PDE4B: variants seen among roughly 807,000 people sequenced by gnomAD.
PDE4B encodes the protein 3',5'-cyclic-AMP phosphodiesterase 4B.
Under a neutral mutation model 82.2 loss-of-function variants are expected in PDE4B, and 20 were observed. That is an observed-to-expected ratio of 0.24 (90% confidence interval 0.17 to 0.35). The LOEUF (loss-of-function observed/expected upper bound fraction) is 0.35, where lower values mean the gene tolerates loss of function less well. Among genes scored for constraint, PDE4B ranks in the 10% least tolerant of loss-of-function variants. The pLI is 1.00. For missense variants in PDE4B, 655 were observed against 907.2 expected (o/e 0.72, Z 3.57); for synonymous variants, 320 against 318.9 (o/e 1.00, Z -0.04).
At chr1:66,289,814 G>T (rs911502827) in intron 7 of PDE4B, among the ~76,000 whole-genome samples, 1 of 152,062 alleles carries the variant, frequency 6.6e-6, no homozygotes, top group Non-Finnish European at 1.5e-5. Flanking sequence ...TGAGCAAGAG[G>T]TGATGCTTGC....
chr1:66,320,405 C>T (rs919488968), intron 7 of PDE4B, among the ~76,000 whole-genome samples: 1 of 152,084 alleles, frequency 6.6e-6, no homozygotes, highest in African/African-American at 2.4e-5. Flanking sequence ...AAAAACTAGC[C>T]AGCCTAGAAA....
At chr1:65,953,319 C>G (rs530555103) in intron 3 of PDE4B, among the ~76,000 whole-genome samples, 1 of 152,052 alleles carries the variant, frequency 6.6e-6, no homozygotes, top group Non-Finnish European at 1.5e-5. Flanking sequence ...TCAGCCCACA[C>G]AATCCCAGGA....
chr1:66,013,283 C>T (rs191651767), intron 3 of PDE4B, among the ~76,000 whole-genome samples: 2 of 152,104 alleles, frequency 1.3e-5, no homozygotes, highest in East Asian at 3.9e-4. Context: ...AAGGCAGAAC[C>T]AAAGGTGAAT....
At chr1:65,826,266 T>C (rs1190729918) in intron 1 of PDE4B, among the ~76,000 whole-genome samples, 8 of 152,202 alleles carry the variant, frequency 5.3e-5, no homozygotes, top group Non-Finnish European at 1.0e-4. Flanking sequence ...TTACTGATCA[T>C]TGGACTTAAA....
At chr1:66,207,212 A>G (rs1484142731) in intron 3 of PDE4B, among the ~76,000 whole-genome samples, 1 of 152,162 alleles carries the variant, frequency 6.6e-6, no homozygotes, top group Non-Finnish European at 1.5e-5. Flanking sequence ...TTCTTTATCT[A>G]TTATATTTCT....
chr1:66,094,848 C>T (rs6673526), intron 3 of PDE4B, among the ~76,000 whole-genome samples: 48,343 of 151,638 alleles, frequency 0.32, 7,908 homozygotes, highest in Middle Eastern at 0.41. Context: ...AATATTATGC[C>T]TCTGTTTTTA....
At chr1:66,087,856 TG>T (rs1657093441) in intron 3 of PDE4B, among the ~76,000 whole-genome samples, 1 of 103,504 alleles carries the variant, frequency 9.7e-6, no homozygotes, top group South Asian at 3.2e-4. Context: ...CATCACACTC[TG>T]GGGACTGTTG....
At chr1:66,320,798 T>G (rs1266742623) in intron 7 of PDE4B, among the ~76,000 whole-genome samples, 1 of 152,144 alleles carries the variant, frequency 6.6e-6, no homozygotes, top group Non-Finnish European at 1.5e-5. Context: ...GGTTTGCATA[T>G]GGTGTTGTGA....
intron 7 of PDE4B, among the ~76,000 whole-genome samples, chr1:66,269,158 A>G (rs562449283): frequency 6.6e-6 from 1 of 152,346 alleles, no homozygotes; most frequent in African/African-American, 2.4e-5. Context: ...ACTGTTAACA[A>G]TTAGTTATTG....
intron 1 of PDE4B, among the ~76,000 whole-genome samples, chr1:65,814,091 C>T (rs1455645206): frequency 6.6e-6 from 1 of 152,106 alleles, no homozygotes; most frequent in African/African-American, 2.4e-5. Flanking sequence ...AACAGAAGGG[C>T]TGGGGCACTC....
chr1:66,311,828 G>A (rs1428055935), intron 7 of PDE4B, among the ~76,000 whole-genome samples: 1 of 152,202 alleles, frequency 6.6e-6, no homozygotes, highest in African/African-American at 2.4e-5. Flanking sequence ...GAGACAGAGG[G>A]TGCCCTAATG....
intron 3 of PDE4B, among the ~76,000 whole-genome samples, chr1:66,120,163 C>G (rs1333845379): frequency 2.0e-5 from 3 of 152,172 alleles, no homozygotes; most frequent in African/African-American, 7.2e-5. Context: ...CTCCAAATGT[C>G]AGCTCCTTGT....
intron 1 of PDE4B, among the ~76,000 whole-genome samples, chr1:65,858,547 A>G (rs1249630108): frequency 1.3e-5 from 2 of 152,250 alleles, no homozygotes; most frequent in African/African-American, 4.8e-5. Context: ...CTTGGATAAA[A>G]TATGACATTC....
In PDE4B at chr1:65,890,348, T is replaced by G. The variant is rs185062717; in HGVS notation, c.-70-22897T>G. Among the ~76,000 whole-genome samples, 200 of 152,178 alleles carry G rather than the reference T, an allele frequency of 1.3e-3. 2 individuals carry two copies. The highest frequency in any genetic ancestry group is 4.6e-3 in the African/African-American group (191 of 41,542). ...GGTTTCATGTTTATTTTAAATACAG[T>G]TAAAATCTAAACTGTTCTTTCCCCT... On this transcript the variant is annotated intron_variant, in intron 1 of 16. Coordinates refer to ENST00000341517, the MANE Select transcript of PDE4B (RefSeq NM_002600.4).
intron 1 of PDE4B, among the ~76,000 whole-genome samples, chr1:65,872,932 A>G (rs1646591230): frequency 6.6e-6 from 1 of 152,140 alleles, no homozygotes; most frequent in Non-Finnish European, 1.5e-5. Context: ...GATTTATTCA[A>G]TGACCTGCAG....
At chr1:66,235,149 G>A (rs1652304873) in intron 3 of PDE4B, among the ~76,000 whole-genome samples, 1 of 152,112 alleles carries the variant, frequency 6.6e-6, no homozygotes. Flanking sequence ...TTGATGTTTT[G>A]AGACTTGTTT....
intron 3 of PDE4B, among the ~76,000 whole-genome samples, chr1:65,945,547 T>G (rs1648670151): frequency 6.6e-6 from 1 of 151,976 alleles, no homozygotes; most frequent in South Asian, 2.1e-4. Context: ...CAGGTTGGTC[T>G]CCTTGAGAGA....
chr1:66,045,633 G>A (rs968243492), intron 3 of PDE4B, among the ~76,000 whole-genome samples: 27 of 151,522 alleles, frequency 1.8e-4, no homozygotes, highest in Admixed American at 7.9e-4. Context: ...TGGCTAAGAC[G>A]CATGCTCATC....
intron 1 of PDE4B, among the ~76,000 whole-genome samples, chr1:65,797,181 T>C (rs61797032): frequency 6.8e-6 from 1 of 147,830 alleles, no homozygotes; most frequent in South Asian, 2.2e-4. Flanking sequence ...GTCTCGATCT[T>C]CTGACCTCGT....
Sources: allele counts gnomAD v4.1 joint callset (sites outside exome capture counted in the v4.1 genomes callset), GRCh38; gene constraint gnomAD v4.1.1; transcripts MANE v1.5; gene names NCBI Gene and HGNC (gene_info 2026-07-23, HGNC 2026-07-21).